The following RGSL1 variants were observed in gnomAD, a reference collection of about 807,000 sequenced individuals.
RGSL1 encodes regulator of G protein signaling protein-like.
A neutral mutation model predicts 124.7 loss-of-function variants in RGSL1; 97 were observed. The ratio of observed to expected loss-of-function variants is 0.78; its 90% CI spans 0.66 to 0.92. The LOEUF is 0.92. Among genes scored for constraint, RGSL1 ranks in the 40% least tolerant of loss-of-function variants. RGSL1 has a pLI of 0.00. For missense variants in RGSL1, 1,233 were observed against 1,288.4 expected, an observed-to-expected ratio of 0.96 and a Z score of 0.66; for synonymous variants, 424 against 438.1, an observed-to-expected ratio of 0.97 and a Z score of 0.40.
At chr1:182,520,388 T>A (rs1192589502) in intron 9 of RGSL1, among the ~76,000 whole-genome samples, 3 of 152,192 alleles carry the variant, frequency 2.0e-5, no homozygotes, top group Non-Finnish European at 4.4e-5. Context: ...AATTCCCCAG[T>A]AGCAATTTGT....
chr1:182,554,833 C>A, intron 20 of RGSL1, 140 bp downstream of exon 20: 1 of 804,656 alleles, frequency 1.2e-6, no homozygotes, highest in Non-Finnish European at 2.0e-6. Flanking sequence ...ACTGAGCTTG[C>A]TGCCTCTGGT....
rs527932289 is a variant in RGSL1, at chr1:182,452,716, G to C, written c.14-1242G>C. 6.6e-5 allele frequency among the ~76,000 whole-genome samples: 10 copies of C among 152,226 alleles called. No homozygotes were observed. The East Asian group carries it at 1.9e-3, about 29-fold the overall frequency. On this transcript the variant is annotated intron_variant, in intron 1 of 21. Coordinates refer to ENST00000294854, the MANE Select transcript of RGSL1 (RefSeq NM_001137669.2). ...AATCCACCAGCCTCAGCCTCCCAAA[G>C]TGTTGGGATTATAGGCATGAGCCAC...
At chr1:182,468,850 GCCTGGAAATAAAC>G (rs869263195) in intron 4 of RGSL1, among the ~76,000 whole-genome samples, 6 of 152,162 alleles carry the variant, frequency 3.9e-5, no homozygotes, top group African/African-American at 1.4e-4. Context: ...AGAATAAAAA[GCCTGGAAATAAAC>G]CCTCACATAT....
At chr1:182,481,131 G>T (rs1433698757) in intron 6 of RGSL1, among the ~76,000 whole-genome samples, 1 of 151,744 alleles carries the variant, frequency 6.6e-6, no homozygotes, top group Non-Finnish European at 1.5e-5. Flanking sequence ...ATGGAGAATA[G>T]AAAATCAATT....
intron 9 of RGSL1, among the ~76,000 whole-genome samples, chr1:182,500,461 T>C (rs1656264430): frequency 6.6e-6 from 1 of 152,230 alleles, no homozygotes; most frequent in African/African-American, 2.4e-5. Flanking sequence ...TTCAATTTTA[T>C]TTTTTCAAGG....
chr1:182,472,034 C>T (rs1653887536), intron 4 of RGSL1, among the ~76,000 whole-genome samples: 1 of 152,134 alleles, frequency 6.6e-6, no homozygotes, highest in South Asian at 2.1e-4. Flanking sequence ...TTCTGCAGGC[C>T]ATTCTCAGTC....
Position 182,474,133 on chromosome 1 carries a change from A to T in RGSL1, c.1022A>T (p.His341Leu). 6.4e-7 allele frequency: 1 copy of T among 1,551,986 alleles called. No individual in the cohort carries two copies. Residue 341 changes from histidine (H) to leucine (L), a missense_variant, in exon 6 of 22, where the codon CAC becomes CTC. Coordinates refer to ENST00000294854, the MANE Select transcript of RGSL1 (RefSeq NM_001137669.2). ...EAPFETKVST[H>L]LRTVIPIVNH... ...CCCTTTGAGACAAAGGTCTCTACCC[A>T]CCTGAGGACTGTCATCCCCATTGTC... is the stretch of plus-strand genomic sequence containing the variant.
At chr1:182,547,695 A>C (rs1484202357) in intron 15 of RGSL1, among the ~76,000 whole-genome samples, 1 of 152,094 alleles carries the variant, frequency 6.6e-6, no homozygotes, top group Non-Finnish European at 1.5e-5. Context: ...TCCCGTCTCT[A>C]CTAAAAATAC....
At chr1:182,478,537 A>C (rs1010868139) in intron 6 of RGSL1, among the ~76,000 whole-genome samples, 1 of 152,166 alleles carries the variant, frequency 6.6e-6, no homozygotes, top group African/African-American at 2.4e-5. Context: ...GAACTCAAAG[A>C]CAGATCATTT....
chr1:182,474,765 A>G (rs1654155206), intron 6 of RGSL1, among the ~76,000 whole-genome samples: 5 of 152,204 alleles, frequency 3.3e-5, no homozygotes, highest in Admixed American at 3.3e-4. Flanking sequence ...GCACAGCAGA[A>G]GGTGAACAGC....
At chr1:182,485,950 C>A (rs1460950077) in intron 6 of RGSL1, among the ~76,000 whole-genome samples, 1 of 152,186 alleles carries the variant, frequency 6.6e-6, no homozygotes, top group African/African-American at 2.4e-5. Flanking sequence ...CCTACAACTA[C>A]ATAGTTGAGT....
rs1358642939 is a variant in RGSL1, at chr1:182,489,164, C to G, written c.1679C>G (p.Ser560Cys). 1 of 1,551,620 alleles carries G rather than the reference C, an allele frequency of 6.4e-7. No individual in the cohort carries two copies. Among genetic ancestry groups the G allele is most frequent in the Non-Finnish European group, 8.7e-7 (1 of 1,147,012 alleles). ...IATEDLKQGG[S>C]LQVELTSPVF... ...ACTGAGGACCTGAAGCAAGGAGGCT[C>G]TCTCCAGGTAGAGCTGACATCTCCA... The change falls in exon 8 of 22, where the codon TCT (serine) becomes TGT (cysteine). Residue 560 changes from serine to cysteine, a missense_variant. Physicochemically the swap from Ser to Cys is moderately radical, Grantham distance 112 (BLOSUM62 -1). Coordinates refer to ENST00000294854, the MANE Select transcript of RGSL1 (RefSeq NM_001137669.2).
chr1:182,533,419 CTCAT>C (rs1251802421), intron 14 of RGSL1, among the ~76,000 whole-genome samples: 1 of 119,774 alleles, frequency 8.3e-6, no homozygotes, highest in African/African-American at 4.3e-5. Flanking sequence ...AACAGCTTCA[CTCAT>C]TCATTCATTC....
intron 6 of RGSL1, among the ~76,000 whole-genome samples, chr1:182,486,530 T>A (rs1291302895): frequency 2.6e-5 from 4 of 151,764 alleles, no homozygotes; most frequent in Non-Finnish European, 4.4e-5. Flanking sequence ...TATTTTTTGG[T>A]AGAGCTGGGG....
intron 8 of RGSL1, among the ~76,000 whole-genome samples, chr1:182,490,490 C>A (rs967478988): frequency 6.6e-6 from 1 of 152,220 alleles, no homozygotes; most frequent in Non-Finnish European, 1.5e-5. Flanking sequence ...GCCTGTCTGT[C>A]AGAGCCATGT....
intron 6 of RGSL1, among the ~76,000 whole-genome samples, chr1:182,477,792 G>C (rs750982687): frequency 1.2e-4 from 19 of 152,150 alleles, no homozygotes; most frequent in Non-Finnish European, 2.4e-4. Flanking sequence ...CAGCTAACCA[G>C]CCCAGAATCT....
At chr1:182,457,532 G>T (rs548560035) in intron 2 of RGSL1, among the ~76,000 whole-genome samples, 1 of 152,296 alleles carries the variant, frequency 6.6e-6, no homozygotes, top group East Asian at 1.9e-4. Flanking sequence ...GGACAAATGG[G>T]ATTGAGGGAA....
chr1:182,494,593 A>G (rs1404961825), intron 9 of RGSL1, among the ~76,000 whole-genome samples: 3 of 152,250 alleles, frequency 2.0e-5, no homozygotes, highest in Admixed American at 6.5e-5. Context: ...ACCTAAAGGT[A>G]TAAAGATGAC....
intron 21 of RGSL1, among the ~76,000 whole-genome samples, chr1:182,559,094 T>G (rs1431077858): frequency 6.6e-6 from 1 of 152,214 alleles, no homozygotes; most frequent in African/African-American, 2.4e-5. Context: ...TTTCTGATTC[T>G]TCTTCACATT....
Sources: gnomAD v4.1 joint callset for allele counts (sites outside exome capture counted in the v4.1 genomes callset) on GRCh38, gnomAD v4.1.1 for gene constraint, MANE v1.5 for transcripts, NCBI Gene and HGNC (gene_info 2026-07-23, HGNC 2026-07-21) for gene names.